Variants in HMGXB4 observed in about 807,000 individuals in gnomAD.
The protein encoded by HMGXB4 is HMG domain-containing protein 4.
A neutral mutation model predicts 63.9 loss-of-function variants in HMGXB4; 27 were observed. The observed-to-expected ratio is 0.42, with a 90% CI of 0.31 to 0.58. HMGXB4 has a LOEUF of 0.58. Ranked by LOEUF, HMGXB4 falls within the 20% of genes least tolerant of loss-of-function variation. The probability of loss-of-function intolerance (pLI) is 0.13; values close to 1 mark genes in which losing one functional copy is unlikely to be tolerated. For missense variants in HMGXB4, 624 were observed against 700.7 expected (o/e 0.89, Z 1.24); for synonymous variants, 264 against 265.3 (o/e 0.99, Z 0.05).
rs1924722445 is a variant in HMGXB4 at position 35,288,389 on chromosome 22, C to T, written c.1620C>T (p.His540=). 1 of 1,600,638 alleles carries T rather than the reference C, an allele frequency of 6.2e-7. No individual in the cohort carries two copies. Among genetic ancestry groups the T allele is most frequent in the Admixed American group, 1.7e-5 (1 of 58,412 alleles). The part of the protein sequence containing the change: ...LLGESLSLIG[H]RLQETEGMVA... ...GAGAGTCCCTAAGCCTCATTGGACACCGTCTGCAGGAAACTGAGGTGAATA... is the reference window on the plus strand; with the variant it reads ...GAGAGTCCCTAAGCCTCATTGGACATCGTCTGCAGGAAACTGAGGTGAATA... Residue 540 remains histidine, a synonymous_variant, in exon 9 of 11, where the codon CAC becomes CAT. Transcript: ENST00000216106.
intron 5 of HMGXB4, among the ~76,000 whole-genome samples, chr22:35,268,315 A>G (rs761218401): frequency 2.0e-5 from 3 of 150,830 alleles, no homozygotes; most frequent in Non-Finnish European, 4.4e-5. Flanking sequence ...CCCCTTCCCT[A>G]CTCCCCTCCA....
chr22:35,248,376 G>A, the HMGXB4 span, among the ~76,000 whole-genome samples: 2 of 151,174 alleles, frequency 1.3e-5, no homozygotes, highest in African/African-American at 4.9e-5. Flanking sequence ...GCGAGAGCAG[G>A]AGCAATGGGC....
chr22:35,254,644 G>A (rs1287819981), upstream of HMGXB4, among the ~76,000 whole-genome samples: 1 of 152,146 alleles, frequency 6.6e-6, no homozygotes, highest in Non-Finnish European at 1.5e-5. Context: ...CAACCCAACC[G>A]GAATGTAAGC....
chr22:35,288,550 G>A lies in HMGXB4; in HGVS notation c.1638+143G>A, dbSNP rs141942674. 7.1e-5 allele frequency: 36 copies of A among 505,710 alleles called. 1 individual carries two copies. The highest frequency in any genetic ancestry group is 6.5e-4 in the African/African-American group (33 of 51,020). 31.3% of individuals were successfully genotyped at this position (505,710 alleles called of 1,614,324 possible). ...CAGGTTCTCAGGATGGCGTAACATAGAAGATATAATGATAATAACAGAAAT... is the reference window on the plus strand; with the variant it reads ...CAGGTTCTCAGGATGGCGTAACATAAAAGATATAATGATAATAACAGAAAT... On this transcript the variant is annotated intron_variant, in intron 9 of 10. Transcript: ENST00000216106.
At chr22:35,261,426 A>G (rs1242939821) in intron 1 of HMGXB4, among the ~76,000 whole-genome samples, 1 of 134,768 alleles carries the variant, frequency 7.4e-6, no homozygotes, top group Non-Finnish European at 1.6e-5. Context: ...ACAGAGCAAG[A>G]CTCTATCTCA....
chr22:35,283,204 T>C (rs1924369268), intron 5 of HMGXB4, among the ~76,000 whole-genome samples: 1 of 152,178 alleles, frequency 6.6e-6, no homozygotes, highest in Non-Finnish European at 1.5e-5. Context: ...TGAGGGAAAT[T>C]ACAAGATTAG....
chr22:35,269,554 CAT>C (rs1462884635), intron 5 of HMGXB4, among the ~76,000 whole-genome samples: 2 of 152,140 alleles, frequency 1.3e-5, no homozygotes, highest in Non-Finnish European at 1.5e-5. Context: ...TGGATGAAAA[CAT>C]AGTACTGAAA....
At position 35,288,250 on chromosome 22, in the gene HMGXB4, G is replaced by T. The variant is rs771304177; in HGVS notation, c.1481G>T (p.Gly494Val). Reference sequence around the variant, plus strand: ...GCTCTGTTCTCAGCCTCTTCTGTAGGAGTACTGTCACCCCAGAAGAAGTCC... The same window carrying T: ...GCTCTGTTCTCAGCCTCTTCTGTAGTAGTACTGTCACCCCAGAAGAAGTCC... ...GSMKVKASSV[G>V]VLSPQKKSPP... Residue 494 changes from glycine (G) to valine (V), a missense_variant, in exon 9 of 11, where the codon GGA (glycine) becomes GTA (valine). Gly to Val is a moderately radical substitution (Grantham distance 109, BLOSUM62 -3). This residue lies in a region of HMGXB4 where 152 missense variants were observed against 230.1 expected (regional missense o/e 0.66). Coordinates refer to ENST00000216106, the MANE Select transcript of HMGXB4 (RefSeq NM_001003681.3). 1.9e-6 allele frequency: 3 copies of T among 1,579,572 alleles called. No homozygotes were observed. Among genetic ancestry groups the T allele is most frequent in the Non-Finnish European group, 2.6e-6 (3 of 1,162,090 alleles).
At chr22:35,268,143 G>A (rs1923376350) in intron 5 of HMGXB4, among the ~76,000 whole-genome samples, 1 of 152,162 alleles carries the variant, frequency 6.6e-6, no homozygotes, top group African/African-American at 2.4e-5. Flanking sequence ...TATGTGATGA[G>A]TTTTGATAGA....
upstream of HMGXB4, among the ~76,000 whole-genome samples, chr22:35,255,918 G>T (rs367766487): frequency 6.6e-6 from 1 of 152,226 alleles, no homozygotes; most frequent in Non-Finnish European, 1.5e-5. Context: ...CTCATTGCCT[G>T]TCTTTTTGGT....
the HMGXB4 span, among the ~76,000 whole-genome samples, chr22:35,248,423 T>G: frequency 2.0e-5 from 3 of 148,326 alleles, no homozygotes; most frequent in East Asian, 5.9e-4. Flanking sequence ...TTTTTTTTTT[T>G]GGAGATGGAG....
chr22:35,266,129 A>G (rs1923234429), intron 5 of HMGXB4, among the ~76,000 whole-genome samples: 1 of 152,052 alleles, frequency 6.6e-6, no homozygotes, highest in Non-Finnish European at 1.5e-5. Flanking sequence ...TGTGCCAGGA[A>G]TAGGTTTAGT....
At chr22:35,256,810 A>C (rs767229489), upstream of HMGXB4, among the ~76,000 whole-genome samples, 3 of 152,210 alleles carry the variant, frequency 2.0e-5, no homozygotes, top group Non-Finnish European at 4.4e-5. Context: ...GTTCTTCTTC[A>C]TATCAAACCA....
intron 5 of HMGXB4, among the ~76,000 whole-genome samples, chr22:35,274,173 G>A (rs1374887512): frequency 6.6e-6 from 1 of 152,184 alleles, no homozygotes; most frequent in Non-Finnish European, 1.5e-5. Context: ...TGCAAGGAAA[G>A]CCCGGAATGG....
chr22:35,285,815 T>A (rs939286709), intron 6 of HMGXB4, among the ~76,000 whole-genome samples, 182 bp from the exon 7 acceptor site: 1 of 152,162 alleles, frequency 6.6e-6, no homozygotes, highest in East Asian at 1.9e-4. Flanking sequence ...CATCAAAACA[T>A]CCCCTTCCCT....
chr22:35,253,144 A>AAAAAAAAAAAAAGAAAAAAG (rs11282400), upstream of HMGXB4, among the ~76,000 whole-genome samples: 58 of 125,344 alleles, frequency 4.6e-4, no homozygotes, highest in African/African-American at 1.6e-3. Flanking sequence ...AAAAAAAAAA[A>AAAAAAAAAAAAAGAAAAAAG]AAAAAAGAAA....
intron 10 of HMGXB4, 85 bp downstream of exon 10, chr22:35,293,199 G>A (rs989977346): frequency 9.4e-6 from 14 of 1,485,164 alleles, no homozygotes; most frequent in Non-Finnish European, 1.2e-5. Context: ...ACACACATAA[G>A]GCTTTGTGAC....
intron 5 of HMGXB4, among the ~76,000 whole-genome samples, chr22:35,266,118 T>C (rs996477868): frequency 3.3e-5 from 5 of 152,088 alleles, no homozygotes; most frequent in African/African-American, 1.2e-4. Context: ...TATTCTCCCA[T>C]TGTGCCAGGA....
In HMGXB4 at chr22:35,283,963, C is replaced by G; in HGVS notation, c.1217C>G (p.Pro406Arg). Residue 406 changes from proline (P) to arginine (R), a missense_variant and splice_region_variant, in exon 6 of 11, where the codon CCA becomes CGA. Around this residue, in one of 2 missense-constraint regions of HMGXB4, gnomAD observed 472 missense variants for 470.6 expected, o/e 1.00. Coordinates refer to ENST00000216106, the MANE Select transcript of HMGXB4 (RefSeq NM_001003681.3). ...GTTGTATCTTCTATGCGGCATTAGC[C>G]AAAAAAGAAGAACATGTCGGCCTAC... ...KDKERERGEK[P>R]KKKNMSAYQV... The G allele has an allele frequency of 6.2e-7, 1 of 1,612,644 alleles. No homozygotes were observed. Among genetic ancestry groups the G allele is most frequent in the Non-Finnish European group, 8.5e-7 (1 of 1,178,784 alleles).
Sources: gnomAD v4.1 joint callset for allele counts (sites outside exome capture counted in the v4.1 genomes callset) on GRCh38, gnomAD v4.1.1 for gene constraint, gnomAD v4.1.1 regional missense constraint, MANE v1.5 for transcripts, NCBI Gene and HGNC (gene_info 2026-07-23, HGNC 2026-07-21) for gene names.